SYN3: variants seen among roughly 807,000 people sequenced by gnomAD.
SYN3 encodes synapsin III.
SYN3 carries 35 observed loss-of-function variants against 65.8 expected under a neutral mutation model. The ratio of observed to expected loss-of-function variants is 0.53; its 90% CI spans 0.41 to 0.70. The LOEUF (loss-of-function observed/expected upper bound fraction) is 0.70. SYN3 is among the 30% of genes least tolerant of loss of function. SYN3 has a pLI of 0.00. For synonymous variants in SYN3, 270 were observed against 292.9 expected (o/e 0.92, Z 0.80); for missense variants, 680 against 749.0 (o/e 0.91, Z 1.08).
intron 4 of SYN3, among the ~76,000 whole-genome samples, chr22:32,896,407 G>C (rs1269260686): frequency 1.3e-5 from 2 of 152,150 alleles, no homozygotes; most frequent in Non-Finnish European, 2.9e-5. Context: ...AGTGAGTTGA[G>C]GTTGCGCCAC....
chr22:33,050,048 A>T (rs200536467), intron 1 of SYN3, among the ~76,000 whole-genome samples: 1 of 95,232 alleles, frequency 1.1e-5, no homozygotes, highest in African/African-American at 4.7e-5. Flanking sequence ...ATTTTTTCTT[A>T]AAAAAAAAAG....
At chr22:32,962,129 CTTTTTTTTTTTT>C (rs58025844) in intron 3 of SYN3, among the ~76,000 whole-genome samples, 4 of 107,184 alleles carry the variant, frequency 3.7e-5, no homozygotes, top group South Asian at 3.3e-4. Context: ...TTTAGAATCT[CTTTTTTTTTTTT>C]TTTTTTTTTT....
chr22:32,541,859 T>G, intron 7 of SYN3, 146 bp from the exon 8 acceptor site: 2 of 924,706 alleles, frequency 2.2e-6, no homozygotes, highest in South Asian at 3.4e-5. Context: ...GGGAAGCAAA[T>G]CATTCCACCA....
Position 32,513,719 on chromosome 22 carries a change from C to G in SYN3, c.1716G>C (p.Lys572Asn), listed in dbSNP as rs755973486. The change falls in exon 14 of 14, where the codon AAG becomes AAC. Residue 572 changes from lysine (K) to asparagine (N), a missense_variant. Physicochemically the swap from Lys to Asn is moderately conservative, Grantham distance 94 (BLOSUM62 0). Transcript: ENST00000358763. Reference protein sequence around the residue: ...AKAETIRNLRKSFASLFSD With the variant: ...AKAETIRNLRNSFASLFSD ...AGTCAGAGAACAGGCTGGCAAAAGA[C>G]TTCCTCAGGTTGCGGATGGTTTCAG... The G allele has an allele frequency of 6.2e-7, 1 of 1,614,218 alleles. No individual in the cohort carries two copies. Among genetic ancestry groups the G allele is most frequent in the South Asian group, 1.1e-5 (1 of 91,084 alleles).
At chr22:32,814,907 G>A (rs1314829573) in intron 6 of SYN3, among the ~76,000 whole-genome samples, 1 of 152,002 alleles carries the variant, frequency 6.6e-6, no homozygotes, top group East Asian at 1.9e-4. Context: ...AGGAAAAAGT[G>A]AAATTAATTT....
chr22:32,718,542 G>T (rs1192026616), intron 6 of SYN3, among the ~76,000 whole-genome samples: 1 of 149,656 alleles, frequency 6.7e-6, no homozygotes, highest in Non-Finnish European at 1.5e-5. Flanking sequence ...ATGTAGAAAA[G>T]GCAATCCATA....
At chr22:32,749,790 T>C (rs73407297) in intron 6 of SYN3, among the ~76,000 whole-genome samples, 2,296 of 152,278 alleles carry the variant, frequency 0.015, 63 homozygotes, top group African/African-American at 0.049. Flanking sequence ...CAATGATAAA[T>C]ATTCATTTGG....
intron 4 of SYN3, among the ~76,000 whole-genome samples, chr22:32,902,911 A>G (rs953270872): frequency 1.3e-5 from 2 of 151,142 alleles, no homozygotes; most frequent in Non-Finnish European, 2.9e-5. Context: ...GATGTATTTT[A>G]CTGAGGAGGA....
intron 7 of SYN3, among the ~76,000 whole-genome samples, chr22:32,578,901 T>C (rs1569058243): frequency 6.6e-6 from 1 of 152,210 alleles, no homozygotes; most frequent in Non-Finnish European, 1.5e-5. Flanking sequence ...AGTGTGAAAG[T>C]AGCCACAGAC....
chr22:32,533,993 G>A, intron 9 of SYN3, 98 bp from the exon 10 acceptor site: 1 of 734,644 alleles, frequency 1.4e-6, no homozygotes, highest in Non-Finnish European at 2.4e-6. Flanking sequence ...AGGCAGGGAG[G>A]GACAGTGACT....
chr22:32,876,537 G>A (rs993215647), intron 4 of SYN3, among the ~76,000 whole-genome samples: 18 of 151,374 alleles, frequency 1.2e-4, no homozygotes, highest in Non-Finnish European at 2.4e-4. Context: ...TAAAGAGTGA[G>A]ATGGGAAATG....
chr22:32,514,712 A>G (rs1413244227), intron 13 of SYN3: 1 of 152,276 alleles, frequency 6.6e-6, no homozygotes, highest in East Asian at 1.9e-4. Flanking sequence ...TGCTGTCATC[A>G]CATTAAAAAC....
rs184332717 is a variant in SYN3, at chr22:32,511,691, G to A, written c.*2001C>T. Among the ~76,000 whole-genome samples the A allele has an allele frequency of 6.6e-6, 1 of 152,328 alleles. No homozygotes were observed. Among genetic ancestry groups the A allele is most frequent in the Admixed American group, 6.5e-5 (1 of 15,296 alleles). On this transcript the variant is annotated 3_prime_UTR_variant, in exon 14 of 14. Coordinates refer to ENST00000358763, the MANE Select transcript of SYN3 (RefSeq NM_003490.4). The stretch of plus-strand genomic sequence containing the variant: ...CACAATGGCTATTTTATTTGCTGCT[G>A]ATCCTAGCCAGTGTTAATCAGGCCT...
At chr22:32,769,213 T>C (rs889501891) in intron 6 of SYN3, among the ~76,000 whole-genome samples, 4 of 149,872 alleles carry the variant, frequency 2.7e-5, no homozygotes, top group African/African-American at 9.9e-5. Context: ...CCTGTTCTAC[T>C]TTACAGCAAA....
In SYN3 at chr22:32,542,624, G is replaced by T. The variant is rs543269052; in HGVS notation, c.775-911C>A. ...TATATAGTATGCAGTGCTTCTGTTT[G>T]TGTGTATGTGTGTGTGTGTGTGTGT... On this transcript the variant is annotated intron_variant, in intron 7 of 13. Coordinates refer to ENST00000358763, the MANE Select transcript of SYN3 (RefSeq NM_003490.4). Among the ~76,000 whole-genome samples the T allele has an allele frequency of 1.3e-3, 170 of 134,458 alleles. 3 individuals carry two copies. Among genetic ancestry groups the T allele is most frequent in the African/African-American group, 4.4e-3 (162 of 36,876 alleles). 88.2% of individuals were successfully genotyped at this position (134,458 alleles called of 152,430 possible).
At chr22:32,596,767 C>T in intron 6 of SYN3, 31 bp from the exon 7 acceptor site, 1 of 1,607,308 alleles carries the variant, frequency 6.2e-7, no homozygotes, top group Non-Finnish European at 8.5e-7. Flanking sequence ...TCACTCTTAA[C>T]ATCTCAGAGC....
At chr22:32,848,129 C>T (rs1052035323) in intron 6 of SYN3, among the ~76,000 whole-genome samples, 3 of 152,236 alleles carry the variant, frequency 2.0e-5, no homozygotes, top group Non-Finnish European at 4.4e-5. Flanking sequence ...TTTCACACAA[C>T]GTAGAAAGAG....
intron 2 of SYN3, among the ~76,000 whole-genome samples, chr22:33,002,282 A>C (rs553818961): frequency 6.6e-6 from 1 of 152,346 alleles, no homozygotes; most frequent in African/African-American, 2.4e-5. Context: ...GAAGCAGTAA[A>C]GTCAGACTGA....
chr22:32,575,582 A>C (rs2058839482), intron 7 of SYN3, among the ~76,000 whole-genome samples: 1 of 152,182 alleles, frequency 6.6e-6, no homozygotes, highest in Non-Finnish European at 1.5e-5. Flanking sequence ...TTCCGACCAC[A>C]ACTTTAAACA....
Sources: allele counts gnomAD v4.1 joint callset (sites outside exome capture counted in the v4.1 genomes callset), GRCh38; gene constraint gnomAD v4.1.1; transcripts MANE v1.5; gene names NCBI Gene and HGNC (gene_info 2026-07-23, HGNC 2026-07-21).